The following PRPF38A variants were observed in gnomAD, a reference collection of about 807,000 sequenced individuals.
The protein encoded by PRPF38A is pre-mRNA-splicing factor 38A.
In PRPF38A, 11 loss-of-function variants were observed where a neutral mutation model predicts 46.8. The ratio of observed to expected loss-of-function variants is 0.24; its 90% CI spans 0.15 to 0.39. The LOEUF is 0.39. Ranked by LOEUF, PRPF38A falls within the 10% of genes least tolerant of loss-of-function variation. PRPF38A has a pLI of 1.00. For synonymous variants in PRPF38A, 124 were observed against 136.2 expected (o/e 0.91, Z 0.62); for missense variants, 261 against 407.5 (o/e 0.64, Z 3.10).
rs1369172356 is a variant in PRPF38A, at chr1:52,414,933, T to C, written c.847+74T>C. The stretch of plus-strand genomic sequence containing the variant: ...AAAAGGAGTAGTTAGCCTCCTGCAG[T>C]ACAGGAGTGCCTGACTGTACTGCCT... On this transcript the variant is annotated intron_variant, in intron 8 of 9. Coordinates refer to ENST00000257181, the MANE Select transcript of PRPF38A (RefSeq NM_032864.4). 5 of 1,356,800 alleles carry C rather than the reference T, an allele frequency of 3.7e-6. No individual in the cohort carries two copies. The African/African-American group carries it at 4.3e-5, about 12-fold the overall frequency. 84.0% of individuals were successfully genotyped at this position (1,356,800 alleles called of 1,614,324 possible).
At chr1:52,409,712 TA>T (rs1352682039) in intron 3 of PRPF38A, 45 of 152,266 alleles carry the variant, frequency 3.0e-4, no homozygotes, top group African/African-American at 9.4e-4. Context: ...CTATGTGGTG[TA>T]AATACCATGG....
At chr1:52,409,799 T>C in intron 3 of PRPF38A, among the ~76,000 whole-genome samples, 1 of 152,188 alleles carries the variant, frequency 6.6e-6, no homozygotes. Flanking sequence ...TAAGAATTTC[T>C]GAACCTATTG....
chr1:52,409,468 G>A (rs1648088890), intron 3 of PRPF38A: 2 of 152,154 alleles, frequency 1.3e-5, no homozygotes, highest in Admixed American at 1.3e-4. Flanking sequence ...GTAATTAGCA[G>A]GGTGTGGAGG....
intron 3 of PRPF38A, among the ~76,000 whole-genome samples, chr1:52,409,226 A>C (rs994495018): frequency 1.2e-4 from 18 of 152,222 alleles, no homozygotes; most frequent in African/African-American, 4.3e-4. Flanking sequence ...GATTCCAGGT[A>C]ATGCAGTCAA....
intron 5 of PRPF38A, among the ~76,000 whole-genome samples, chr1:52,413,268 C>T (rs1569980388): frequency 1.3e-5 from 2 of 152,266 alleles, no homozygotes; most frequent in African/African-American, 2.4e-5. Context: ...AGAAAGAACA[C>T]TTTCATAATT....
Position 52,416,686 on chromosome 1 carries a change from A to C in PRPF38A, c.935A>C (p.Glu312Ala), listed in dbSNP as rs779491238. The C allele has an allele frequency of 3.7e-6, 6 of 1,611,702 alleles. No individual in the cohort carries two copies. The highest frequency in any genetic ancestry group is 5.1e-6 in the Non-Finnish European group (6 of 1,177,754). The change falls in exon 10 of 10, where the codon GAG (glutamate) becomes GCG (alanine). Residue 312 changes from glutamate (E) to alanine (A), a missense_variant. By Grantham distance (107) the Glu-to-Ala change is moderately radical. Transcript: ENST00000257181. ...KSHKKSRRGN[E>A] ...CACAAGAAGAGCCGGAGAGGGAATG[A>C]GTAATGGACTCAGTTTGGTTTTAGT...
intron 4 of PRPF38A, among the ~76,000 whole-genome samples, chr1:52,411,736 G>A (rs1424107882): frequency 6.6e-6 from 1 of 151,894 alleles, no homozygotes; most frequent in Admixed American, 6.6e-5. Context: ...AGTGATAAAC[G>A]ATTATCCATG....
Position 52,418,331 on chromosome 1 carries a change from A to G in PRPF38A, c.*1641A>G, listed in dbSNP as rs564810852. ...CTGTACGTAAATGTATTACAGTGTC[A>G]TAGCAGTTATTTCTTTATGAAAGTG... On this transcript the variant is annotated 3_prime_UTR_variant, in exon 10 of 10. Transcript: ENST00000257181. The G allele has an allele frequency of 5.3e-5, 8 of 152,350 alleles. No individual in the cohort carries two copies. The highest frequency in any genetic ancestry group is 1.9e-4 in the African/African-American group (8 of 41,590). 9.4% of individuals were successfully genotyped at this position (152,350 alleles called of 1,614,324 possible).
intron 2 of PRPF38A, 144 bp downstream of exon 2, chr1:52,405,983 ATTTTTTGTTTG>A (rs1230340431): frequency 5.8e-6 from 4 of 686,458 alleles, no homozygotes; most frequent in Admixed American, 2.9e-5. Flanking sequence ...TTGAGTTTGT[ATTTTTTGTTTG>A]TTTTTTGTTT....
At chr1:52,413,786 T>G in intron 5 of PRPF38A, 93 bp from the exon 6 acceptor site, 1 of 795,388 alleles carries the variant, frequency 1.3e-6, no homozygotes, top group Non-Finnish European at 2.1e-6. Flanking sequence ...GAGATGGACT[T>G]TGGGACAAGA....
At chr1:52,411,072 C>G (rs1408113252) in intron 3 of PRPF38A, 43 bp from the exon 4 acceptor site, 1 of 1,455,288 alleles carries the variant, frequency 6.9e-7, no homozygotes, top group Non-Finnish European at 9.6e-7. Context: ...GCATCTAAAT[C>G]TTTTATTTCC....
At chr1:52,408,419 T>G (rs1465002133) in intron 2 of PRPF38A, 150 bp from the exon 3 acceptor site, 2 of 1,031,970 alleles carry the variant, frequency 1.9e-6, no homozygotes, top group African/African-American at 3.1e-5. Flanking sequence ...TTAGCTGTCT[T>G]TCTTCTGCTG....
chr1:52,408,464 C>A, intron 2 of PRPF38A, 105 bp from the exon 3 acceptor site: 1 of 1,497,776 alleles, frequency 6.7e-7, no homozygotes, highest in Non-Finnish European at 9.3e-7. Flanking sequence ...TTCTTACCTG[C>A]CAAAGAGAAG....
At chr1:52,409,310 T>C (rs1215628217) in intron 3 of PRPF38A, among the ~76,000 whole-genome samples, 1 of 152,066 alleles carries the variant, frequency 6.6e-6, no homozygotes, top group Non-Finnish European at 1.5e-5. Flanking sequence ...CATTAAACAG[T>C]AGAAGGTTAA....
At chr1:52,405,160 C>T (rs1293391304) in intron 1 of PRPF38A, among the ~76,000 whole-genome samples, 2 of 152,194 alleles carry the variant, frequency 1.3e-5, no homozygotes, top group Admixed American at 6.5e-5. Flanking sequence ...GTGTTAAGCT[C>T]AGGGATCCGG....
Position 52,414,810 on chromosome 1 carries a change from C to T in PRPF38A, c.798C>T (p.His266=), listed in dbSNP as rs1342597807. The change falls in exon 8 of 10, where the codon CAC becomes CAT. Residue 266 remains histidine (H), a synonymous_variant. Transcript: ENST00000257181. ...ATCGGAGCAAGAGTCCAAGACGTCACCGCAGCAGGTCCCGAGATCGGCGGC... is the reference window on the plus strand; with the variant it reads ...ATCGGAGCAAGAGTCCAAGACGTCATCGCAGCAGGTCCCGAGATCGGCGGC... ...ERHRSKSPRR[H]RSRSRDRRHR... is the part of the protein sequence containing the mutation. 1.2e-6 allele frequency: 2 copies of T among 1,614,202 alleles called. No individual in the cohort carries two copies. The highest frequency in any genetic ancestry group is 4.5e-5 in the East Asian group (2 of 44,886).
rs1358171863 is a variant in PRPF38A, at chr1:52,418,747, A to G, written c.*2057A>G. 3 of 152,226 alleles carry G rather than the reference A, an allele frequency of 2.0e-5. No individual in the cohort carries two copies. Among genetic ancestry groups the G allele is most frequent in the Admixed American group, 2.0e-4 (3 of 15,288 alleles). The allele number at this position is 152,226 out of a possible 1,614,324, so 9.4% of individuals were successfully genotyped here. On this transcript the variant is annotated 3_prime_UTR_variant, in exon 10 of 10. Transcript: ENST00000257181. ...ACCTTGCTGTAAGGCTCTTTCTGTC[A>G]TCTATGTGCTTGCCTATGGATGAAG... is the stretch of plus-strand genomic sequence containing the variant.
chr1:52,413,444 T>TC (rs1648205249), intron 5 of PRPF38A, among the ~76,000 whole-genome samples: 3 of 152,074 alleles, frequency 2.0e-5, no homozygotes, highest in Non-Finnish European at 4.4e-5. Context: ...TCTTGCTCTG[T>TC]TGCCCAGGCT....
intron 3 of PRPF38A, chr1:52,409,579 C>T (rs1648092072): frequency 6.6e-6 from 1 of 152,148 alleles, no homozygotes; most frequent in Admixed American, 6.5e-5. Context: ...CGCTGTATTC[C>T]AGCCTGGGCG....
Sources: allele counts gnomAD v4.1 joint callset (sites outside exome capture counted in the v4.1 genomes callset), GRCh38; gene constraint gnomAD v4.1.1; transcripts MANE v1.5; gene names NCBI Gene and HGNC (gene_info 2026-07-23, HGNC 2026-07-21).